RAD54L: variants seen among roughly 807,000 people sequenced by gnomAD.
RAD54L encodes the protein DNA repair and recombination protein RAD54-like.
In RAD54L, 74 loss-of-function variants were observed where a neutral mutation model predicts 91.6. The observed-to-expected ratio is 0.81, with a 90% CI of 0.67 to 0.98. The LOEUF is 0.98. RAD54L is among the 50% of genes least tolerant of loss of function. The pLI is 0.00. For synonymous variants in RAD54L, 304 were observed against 349.7 expected (o/e 0.87, Z 1.46); for missense variants, 887 against 945.7 (o/e 0.94, Z 0.81).
At chr1:46,259,415 G>T (rs966322785) in intron 4 of RAD54L, among the ~76,000 whole-genome samples, 12 of 152,112 alleles carry the variant, frequency 7.9e-5, no homozygotes, top group Non-Finnish European at 1.3e-4. Flanking sequence ...AACCAGATCT[G>T]GCACCTCAGA....
chr1:46,275,710 A>G (rs760669867), intron 16 of RAD54L, among the ~76,000 whole-genome samples: 3 of 152,000 alleles, frequency 2.0e-5, no homozygotes, highest in Non-Finnish European at 2.9e-5. Flanking sequence ...TCTTCTTTCT[A>G]CTCACTCATC....
chr1:46,259,944 G>T lies in RAD54L; in HGVS notation c.272-20G>T. 6.2e-7 allele frequency: 1 copy of T among 1,614,092 alleles called. No individual in the cohort carries two copies. The highest frequency in any genetic ancestry group is 8.5e-7 in the Non-Finnish European group (1 of 1,180,008). The stretch of plus-strand genomic sequence containing the variant: ...CTCCTAAACATAGATTCAGGTGACG[G>T]AATGATTATTGGTTTGTAGGTCCTC... On this transcript the variant is annotated intron_variant, in intron 4 of 17. Transcript: ENST00000371975.
rs763008646 is a variant in RAD54L at position 46,250,116 on chromosome 1, G to A, written c.207G>A (p.Gln69=). The change falls in exon 3 of 18, where the codon CAG becomes CAA. Residue 69 remains glutamine (Q), a synonymous_variant. Coordinates refer to ENST00000371975, the MANE Select transcript of RAD54L (RefSeq NM_003579.4). ...TNQPPCLDSS[Q]HEAFIRSILS... ...AACCACCTTGTCTGGACAGCAGTCAGCATGTAAGCCAGAACTGCAACCTGC... is the reference window on the plus strand; with the variant it reads ...AACCACCTTGTCTGGACAGCAGTCAACATGTAAGCCAGAACTGCAACCTGC... 6.2e-7 allele frequency: 1 copy of A among 1,614,180 alleles called. No individual in the cohort carries two copies. Among genetic ancestry groups the A allele is most frequent in the East Asian group, 2.2e-5 (1 of 44,884 alleles).
At chr1:46,267,391 G>A in intron 8 of RAD54L, 68 bp from the exon 9 acceptor site, 4 of 1,606,514 alleles carry the variant, frequency 2.5e-6, no homozygotes, top group Admixed American at 1.7e-5. Flanking sequence ...CTCTTTTCCT[G>A]TCTACATGAG....
intron 3 of RAD54L, among the ~76,000 whole-genome samples, chr1:46,252,573 G>A (rs1484232107): frequency 6.6e-6 from 1 of 151,296 alleles, no homozygotes; most frequent in Non-Finnish European, 1.5e-5. Flanking sequence ...TGAGGATGAA[G>A]TTGGGATTTT....
chr1:46,255,492 C>CTTTTTT (rs869103738), intron 3 of RAD54L, among the ~76,000 whole-genome samples: 1 of 80,824 alleles, frequency 1.2e-5, no homozygotes, highest in Non-Finnish European at 2.4e-5. Context: ...TTGGCCATTC[C>CTTTTTT]TTTTTTTTTT....
In RAD54L at chr1:46,278,089, G is replaced by T. The variant is rs769509652; in HGVS notation, c.2051G>T (p.Cys684Phe). 6.2e-7 allele frequency: 1 copy of T among 1,614,098 alleles called. No individual in the cohort carries two copies. The highest frequency in any genetic ancestry group is 8.5e-7 in the Non-Finnish European group (1 of 1,179,982). The change falls in exon 18 of 18, where the codon TGT becomes TTT. Residue 684 changes from cysteine (C) to phenylalanine (F), a missense_variant. Physicochemically the swap from Cys to Phe is radical, Grantham distance 205 (BLOSUM62 -2). Coordinates refer to ENST00000371975, the MANE Select transcript of RAD54L (RefSeq NM_003579.4). ...DTHDRLHCRRCVNSRQIRPPP... is the reference protein window; with the variant it reads ...DTHDRLHCRRFVNSRQIRPPP... ...GTCCCTAGGTTGCACTGCCGACGTT[G>T]TGTCAACAGCCGTCAGATCCGGCCA... is the stretch of plus-strand genomic sequence containing the variant.
chr1:46,254,732 G>A lies in RAD54L; in HGVS notation c.211-3954G>A, dbSNP rs72899067. ...CTCTGGAGTAGCTAGGACCACAGGC[G>A]TGTGCCACCAAACCTGGCTAATTTT... is the stretch of plus-strand genomic sequence containing the variant. On this transcript the variant is annotated intron_variant, in intron 3 of 17. Coordinates refer to ENST00000371975, the MANE Select transcript of RAD54L (RefSeq NM_003579.4). Among the ~76,000 whole-genome samples the A allele has an allele frequency of 7.2e-3, 1,090 of 152,132 alleles. 17 individuals carry two copies. Among genetic ancestry groups the A allele is most frequent in the Middle Eastern group, 0.034 (10 of 294 alleles).
At chr1:46,249,022 T>G (rs953887491) in intron 2 of RAD54L, among the ~76,000 whole-genome samples, 2 of 152,212 alleles carry the variant, frequency 1.3e-5, no homozygotes, top group Non-Finnish European at 2.9e-5. Flanking sequence ...CTTCCAGTCC[T>G]TGCTCATACT....
At chr1:46,253,174 A>AT (rs752435385) in intron 3 of RAD54L, among the ~76,000 whole-genome samples, 29 of 152,246 alleles carry the variant, frequency 1.9e-4, no homozygotes, top group Non-Finnish European at 4.1e-4. Flanking sequence ...GTTGCTGTCA[A>AT]TAAGAAATTG....
chr1:46,255,631 T>A (rs1167120974), intron 3 of RAD54L, among the ~76,000 whole-genome samples: 1 of 151,446 alleles, frequency 6.6e-6, no homozygotes, highest in Non-Finnish European at 1.5e-5. Context: ...CCCAAGTAGC[T>A]GGAATTATAG....
At chr1:46,250,363 G>A (rs1388165482) in intron 3 of RAD54L, among the ~76,000 whole-genome samples, 2 of 152,104 alleles carry the variant, frequency 1.3e-5, no homozygotes, top group Admixed American at 1.3e-4. Context: ...AGGAAAGGAG[G>A]GTAAAGGAAC....
rs1660687367 is a variant in RAD54L, at chr1:46,278,346, A to C, written c.*64A>C. The stretch of plus-strand genomic sequence containing the variant: ...ATAGGGAAAAGGGGCTCCTTGCTCC[A>C]CAGGGCCCTGTTGAATTTTGTTCTC... On this transcript the variant is annotated 3_prime_UTR_variant, in exon 18 of 18. Coordinates refer to ENST00000371975, the MANE Select transcript of RAD54L (RefSeq NM_003579.4). 1.3e-6 allele frequency: 2 copies of C among 1,501,402 alleles called. No homozygotes were observed. Among genetic ancestry groups the C allele is most frequent in the Middle Eastern group, 2.3e-4 (1 of 4,312 alleles). The allele number at this position is 1,501,402 out of a possible 1,614,324, so 93.0% of individuals were successfully genotyped here.
In RAD54L at chr1:46,277,882, G is replaced by A; in HGVS notation, c.1935G>A (p.Val645=). Residue 645 remains valine, a synonymous_variant, in exon 17 of 18, where the codon GTG becomes GTA. Coordinates refer to ENST00000371975, the MANE Select transcript of RAD54L (RefSeq NM_003579.4). ...QSHKKALSSC[V]VDEEQDVERH... is the part of the protein sequence containing the mutation. ...ACAAGAAGGCACTGAGCAGCTGTGT[G>A]GTGGATGAGGAGCAGGATGTAGAGC... 1 of 1,614,012 alleles carries A rather than the reference G, an allele frequency of 6.2e-7. No homozygotes were observed. Among genetic ancestry groups the A allele is most frequent in the Non-Finnish European group, 8.5e-7 (1 of 1,179,938 alleles).
In RAD54L at chr1:46,263,800, CT is replaced by C. The variant is rs1479744765; in HGVS notation, c.891+2420del. On this transcript the variant is annotated intron_variant, in intron 8 of 17. Transcript: ENST00000371975. This position sits in a 1 kb window ranked among gnomAD's most constrained non-coding sequence, Gnocchi z 4.3. ...TAGGGAGCATCTAAATTTTTTTCTA[CT>C]TTTTGTTTTTTTTTGAGACAAGGGT... 5.3e-5 allele frequency among the ~76,000 whole-genome samples: 8 copies of C among 151,748 alleles called. No individual in the cohort carries two copies. Among genetic ancestry groups the C allele is most frequent in the African/African-American group, 1.9e-4 (8 of 41,252 alleles).
chr1:46,269,814 T>C (rs547893413), intron 9 of RAD54L, among the ~76,000 whole-genome samples: 1 of 152,260 alleles, frequency 6.6e-6, no homozygotes, highest in South Asian at 2.1e-4. Context: ...TTAATTTCTC[T>C]CAATGTGGCC....
At chr1:46,267,407 GCTAC>G in intron 8 of RAD54L, 48 bp from the exon 9 acceptor site, 1 of 1,611,326 alleles carries the variant, frequency 6.2e-7, no homozygotes. Flanking sequence ...ATGAGACTTT[GCTAC>G]CGTATAGGGA....
Position 46,248,033 on chromosome 1 carries a change from A to ACCCC in RAD54L, c.-373_-372insCCCC. 1 of 231,678 alleles carries ACCCC rather than the reference A, an allele frequency of 4.3e-6. No individual in the cohort carries two copies. The highest frequency in any genetic ancestry group is 8.5e-6 in the Non-Finnish European group (1 of 118,154). 14.4% of individuals were successfully genotyped at this position (231,678 alleles called of 1,614,324 possible). On this transcript the variant is annotated 5_prime_UTR_variant, in exon 1 of 18. Transcript: ENST00000371975. ...CCTGGCCAGTGATTACCCACCCCCA[A>ACCCC]TCCCACCCCGCCCCGCCGCGCAACT... is the stretch of plus-strand genomic sequence containing the variant.
rs1180498211 is a variant in RAD54L at position 46,265,210 on chromosome 1, C to CG, written c.892-2247dup. On this transcript the variant is annotated intron_variant, in intron 8 of 17. Coordinates refer to ENST00000371975, the MANE Select transcript of RAD54L (RefSeq NM_003579.4). The surrounding 1 kb of genome is among the most constrained non-coding windows in gnomAD (Gnocchi z 4.8). ...CTTAATTAAATTTCTAGGCCAAATG[C>CG]GGTGGCTTACACCTGTAATCCCAGG... Among the ~76,000 whole-genome samples, 6 of 151,976 alleles carry CG rather than the reference C, an allele frequency of 3.9e-5. No homozygotes were observed. The highest frequency in any genetic ancestry group is 3.9e-4 in the Admixed American group (6 of 15,252).
Sources: allele counts gnomAD v4.1 joint callset (sites outside exome capture counted in the v4.1 genomes callset), GRCh38; gene constraint gnomAD v4.1.1; non-coding constraint Gnocchi (gnomAD v3.1); transcripts MANE v1.5; gene names NCBI Gene and HGNC (gene_info 2026-07-23, HGNC 2026-07-21).